The following KCNMA1 variants were observed in gnomAD, a reference collection of about 807,000 sequenced individuals.
KCNMA1 encodes Calcium-activated potassium channel subunit alpha-1.
In KCNMA1, 29 loss-of-function variants were observed where a neutral mutation model predicts 140.0. That is an observed-to-expected ratio of 0.21 (90% CI 0.15 to 0.28). KCNMA1 has a LOEUF of 0.28. Ranked by LOEUF, KCNMA1 falls within the 10% of genes least tolerant of loss-of-function variation. KCNMA1 has a pLI of 1.00. For missense variants in KCNMA1, 880 were observed against 1,602.2 expected (o/e 0.55, Z 7.70); for synonymous variants, 612 against 611.9 (o/e 1.00, Z 0.00).
At chr10:77,315,471 G>T (rs1172385018) in intron 2 of KCNMA1, 1 of 152,190 alleles carries the variant, frequency 6.6e-6, no homozygotes, top group Non-Finnish European at 1.5e-5. Flanking sequence ...GAAAGCAAAA[G>T]CAATCTGAAG....
chr10:77,054,995 T>C (rs2095494896), intron 14 of KCNMA1, among the ~76,000 whole-genome samples: 1 of 151,766 alleles, frequency 6.6e-6, no homozygotes, highest in Non-Finnish European at 1.5e-5. Flanking sequence ...CCACAGAGAA[T>C]GATTATTGAA....
chr10:77,446,895 T>G lies in KCNMA1; in HGVS notation c.379-42872A>C, dbSNP rs200818704. Reference sequence around the variant, plus strand: ...TACCTCCATACCTTTGTTCACACTGTTTTGCTTAGCTGGCAAGTTCTTCCT... The same window carrying G: ...TACCTCCATACCTTTGTTCACACTGGTTTGCTTAGCTGGCAAGTTCTTCCT... On this transcript the variant is annotated intron_variant, in intron 1 of 27. Coordinates refer to ENST00000286628, the MANE Select transcript of KCNMA1 (RefSeq NM_001161352.2). Among the ~76,000 whole-genome samples the G allele has an allele frequency of 2.9e-4, 44 of 152,314 alleles. 1 individual carries two copies. The East Asian group carries it at 8.3e-3, about 29-fold the overall frequency.
chr10:77,220,234 C>T (rs2049154976), intron 3 of KCNMA1, among the ~76,000 whole-genome samples: 1 of 152,178 alleles, frequency 6.6e-6, no homozygotes, highest in Non-Finnish European at 1.5e-5. Flanking sequence ...AGAACTTGAA[C>T]TTGGGCAGCT....
chr10:77,406,753 A>G (rs986483831), intron 1 of KCNMA1, among the ~76,000 whole-genome samples: 1 of 152,086 alleles, frequency 6.6e-6, no homozygotes, highest in African/African-American at 2.4e-5. Context: ...GGAAAAGAGG[A>G]GGGCAGGGAG....
At chr10:76,879,487 A>T (rs905437429) in intron 29 of KCNMA1, among the ~76,000 whole-genome samples, 5 of 152,174 alleles carry the variant, frequency 3.3e-5, no homozygotes, top group Admixed American at 3.3e-4. Flanking sequence ...TGACAGAATG[A>T]TAAAGTTACA....
chr10:77,263,159 G>A (rs78794603), intron 2 of KCNMA1, among the ~76,000 whole-genome samples: 4,050 of 152,116 alleles, frequency 0.027, 193 homozygotes, highest in African/African-American at 0.093. Context: ...TGTATTACAT[G>A]CAAGTGACTC....
intron 2 of KCNMA1, among the ~76,000 whole-genome samples, chr10:77,270,512 T>TTC (rs747208826): frequency 7.4e-4 from 112 of 151,420 alleles, no homozygotes; most frequent in Admixed American, 1.7e-3. Context: ...TTCTTTTCTT[T>TTC]TCTCTCTCTC....
chr10:77,171,165 C>T (rs2098701817), intron 5 of KCNMA1, among the ~76,000 whole-genome samples: 1 of 152,104 alleles, frequency 6.6e-6, no homozygotes, highest in South Asian at 2.1e-4. Flanking sequence ...AATGTGTTAG[C>T]CATGCAGATC....
At chr10:77,118,206 C>T (rs1308564557) in intron 6 of KCNMA1, among the ~76,000 whole-genome samples, 1 of 152,214 alleles carries the variant, frequency 6.6e-6, no homozygotes, top group African/African-American at 2.4e-5. Flanking sequence ...ACCCACCCTT[C>T]TGGAAGGACC....
At chr10:77,012,128 A>C in intron 17 of KCNMA1, 85 bp from the exon 18 acceptor site, 1 of 1,606,542 alleles carries the variant, frequency 6.2e-7, no homozygotes, top group Non-Finnish European at 8.5e-7. Context: ...GGTGGTGCCA[A>C]ATTAATGAAA....
At chr10:76,960,699 A>C (rs1447991368) in intron 20 of KCNMA1, among the ~76,000 whole-genome samples, 1 of 139,980 alleles carries the variant, frequency 7.1e-6, no homozygotes, top group Non-Finnish European at 1.5e-5. Flanking sequence ...AGTAGATTTC[A>C]CATAATTCTT....
At chr10:77,114,606 C>T (rs1680572210) in intron 6 of KCNMA1, among the ~76,000 whole-genome samples, 1 of 152,178 alleles carries the variant, frequency 6.6e-6, no homozygotes, top group Admixed American at 6.5e-5. Context: ...AAAGCCCTTC[C>T]CATCTAGTCA....
chr10:77,613,552 C>T (rs1390479915), intron 1 of KCNMA1, among the ~76,000 whole-genome samples: 1 of 152,166 alleles, frequency 6.6e-6, no homozygotes, highest in Non-Finnish European at 1.5e-5. Context: ...CAGGCCGGCT[C>T]ACATACAACA....
intron 2 of KCNMA1, among the ~76,000 whole-genome samples, chr10:77,371,423 C>T (rs1375707722): frequency 6.6e-6 from 1 of 152,180 alleles, no homozygotes; most frequent in Non-Finnish European, 1.5e-5. Context: ...ACAAGTTTCC[C>T]CCCAGGCCCC....
chr10:76,880,070 C>T (rs1437070200), downstream of KCNMA1, among the ~76,000 whole-genome samples: 1 of 152,158 alleles, frequency 6.6e-6, no homozygotes, highest in Non-Finnish European at 1.5e-5. Flanking sequence ...GAAGAGTGAA[C>T]TCAGCTGATG....
chr10:76,969,292 A>AGGAGGGAG (rs1555014471), intron 20 of KCNMA1, among the ~76,000 whole-genome samples: 1 of 123,080 alleles, frequency 8.1e-6, no homozygotes, highest in Admixed American at 8.0e-5. Context: ...AAGGGAAGGA[A>AGGAGGGAG]GGAAGGAGGG....
intron 14 of KCNMA1, among the ~76,000 whole-genome samples, chr10:77,050,015 T>C (rs1291524683): frequency 6.6e-6 from 1 of 152,162 alleles, no homozygotes; most frequent in African/African-American, 2.4e-5. Flanking sequence ...CCAATCTAAC[T>C]GGAGTTATTC....
intron 2 of KCNMA1, among the ~76,000 whole-genome samples, chr10:77,312,942 C>A (rs1247849211): frequency 2.0e-5 from 3 of 152,186 alleles, no homozygotes; most frequent in African/African-American, 7.2e-5. Flanking sequence ...CAATCATGGA[C>A]AAATTACCAC....
intron 1 of KCNMA1, among the ~76,000 whole-genome samples, chr10:77,514,057 C>T (rs1248196728): frequency 1.3e-5 from 2 of 152,254 alleles, no homozygotes; most frequent in African/African-American, 4.8e-5. Flanking sequence ...AGAAGTTTCG[C>T]AGGCTGAAAA....
Sources: allele counts gnomAD v4.1 joint callset (sites outside exome capture counted in the v4.1 genomes callset), GRCh38; gene constraint gnomAD v4.1.1; transcripts MANE v1.5; gene names NCBI Gene and HGNC (gene_info 2026-07-23, HGNC 2026-07-21).